Variants in FER1L6 observed in about 807,000 individuals in gnomAD.
The protein encoded by FER1L6 is fer-1-like protein 6.
A neutral mutation model predicts 219.2 loss-of-function variants in FER1L6; 177 were observed. The ratio of observed to expected loss-of-function variants is 0.81; its 90% CI spans 0.71 to 0.91. The LOEUF is 0.91. FER1L6 is among the 40% of genes least tolerant of loss of function. FER1L6 has a pLI of 0.00. For missense variants in FER1L6, 2,153 were observed against 2,259.9 expected, an observed-to-expected ratio of 0.95 and a Z score of 0.96; for synonymous variants, 768 against 824.3, an observed-to-expected ratio of 0.93 and a Z score of 1.17.
intron 35 of FER1L6, 59 bp downstream of exon 35, chr8:124,095,097 T>C (rs1157735645): frequency 6.3e-7 from 1 of 1,592,346 alleles, no homozygotes; most frequent in Non-Finnish European, 8.6e-7. Context: ...AGAGTAATGG[T>C]TTTCATCCAG....
intron 18 of FER1L6, among the ~76,000 whole-genome samples, chr8:124,033,579 C>G (rs1389673257): frequency 6.6e-6 from 1 of 152,146 alleles, no homozygotes; most frequent in Non-Finnish European, 1.5e-5. Flanking sequence ...GAGCAGGATT[C>G]TTCAGCTTCA....
At chr8:124,067,658 ACT>A in intron 27 of FER1L6, 107 bp from the exon 28 acceptor site, 1 of 985,158 alleles carries the variant, frequency 1.0e-6, no homozygotes, top group Non-Finnish European at 1.5e-6. Flanking sequence ...CTGTTTGAAT[ACT>A]CTTTTAAAAT....
At chr8:124,042,869 G>A (rs1183864748) in intron 20 of FER1L6, among the ~76,000 whole-genome samples, 1 of 152,178 alleles carries the variant, frequency 6.6e-6, no homozygotes, top group Admixed American at 6.5e-5. Flanking sequence ...AACATCACTG[G>A]GGATATGGGA....
chr8:123,959,318 A>G (rs555325252), intron 2 of FER1L6, among the ~76,000 whole-genome samples: 3 of 152,280 alleles, frequency 2.0e-5, no homozygotes, highest in East Asian at 1.9e-4. Context: ...CTTTTCTTGC[A>G]TATATAACGT....
Position 123,944,724 on chromosome 8 carries a change from C to G in FER1L6, c.-7-11268C>G, listed in dbSNP as rs114631966. Among the ~76,000 whole-genome samples, 667 of 152,240 alleles carry G rather than the reference C, an allele frequency of 4.4e-3. 8 individuals carry two copies. Among genetic ancestry groups the G allele is most frequent in the African/African-American group, 0.015 (622 of 41,538 alleles). ...TATATGAGGTACAGGGTAACCAGACCTGGGCCTGTGTCTCACCCAGTATGC... is the reference window on the plus strand; with the variant it reads ...TATATGAGGTACAGGGTAACCAGACGTGGGCCTGTGTCTCACCCAGTATGC... On this transcript the variant is annotated intron_variant, in intron 1 of 40. Transcript: ENST00000522917.
chr8:124,008,430 C>T (rs1817767038), intron 13 of FER1L6, among the ~76,000 whole-genome samples: 1 of 152,230 alleles, frequency 6.6e-6, no homozygotes, highest in South Asian at 2.1e-4. Context: ...ATCTTTTTTG[C>T]TTAATGACTT....
At chr8:123,855,846 C>T (rs115541118) in intron 1 of FER1L6, among the ~76,000 whole-genome samples, 1,548 of 142,104 alleles carry the variant, frequency 0.011, 48 homozygotes, top group African/African-American at 0.041. Context: ...TATGGGCCAG[C>T]CCCATATGAC....
intron 1 of FER1L6, among the ~76,000 whole-genome samples, chr8:123,908,168 A>G (rs1812987048): frequency 6.6e-6 from 1 of 152,236 alleles, no homozygotes; most frequent in Non-Finnish European, 1.5e-5. Context: ...TAAAAAATGT[A>G]ACTTGCATGA....
At chr8:124,054,456 G>GAT (rs1820190945) in intron 22 of FER1L6, among the ~76,000 whole-genome samples, 1 of 152,088 alleles carries the variant, frequency 6.6e-6, no homozygotes, top group Admixed American at 6.6e-5. Context: ...TTCAAAACTT[G>GAT]ATATTTCCCA....
intron 1 of FER1L6, among the ~76,000 whole-genome samples, chr8:123,917,937 T>TTTTCTTGCA (rs1813236561): frequency 6.6e-6 from 1 of 152,242 alleles, no homozygotes; most frequent in South Asian, 2.1e-4. Context: ...TGTTGAATCC[T>TTTTCTTGCA]TTTCTTGCAT....
intron 1 of FER1L6, among the ~76,000 whole-genome samples, chr8:123,916,159 C>T (rs1306717072): frequency 6.6e-6 from 1 of 152,212 alleles, no homozygotes; most frequent in Non-Finnish European, 1.5e-5. Flanking sequence ...AGTAAACTCT[C>T]CCTCTTTTGA....
chr8:123,884,340 C>T (rs1159597366), intron 1 of FER1L6, among the ~76,000 whole-genome samples: 1 of 152,206 alleles, frequency 6.6e-6, no homozygotes, highest in Non-Finnish European at 1.5e-5. Context: ...AAGTGGCTTG[C>T]TCCCAGCCAC....
chr8:123,854,128 A>C (rs890485861), intron 1 of FER1L6, among the ~76,000 whole-genome samples: 1 of 152,222 alleles, frequency 6.6e-6, no homozygotes, highest in African/African-American at 2.4e-5. Context: ...TTACGGCTCC[A>C]ACATGATGCC....
At chr8:123,895,024 A>T (rs1048520922) in intron 1 of FER1L6, among the ~76,000 whole-genome samples, 1 of 152,158 alleles carries the variant, frequency 6.6e-6, no homozygotes. Flanking sequence ...AACCTGGTGG[A>T]CTCCTTCTTT....
At chr8:123,927,915 C>CT (rs926432520) in intron 1 of FER1L6, among the ~76,000 whole-genome samples, 23 of 151,860 alleles carry the variant, frequency 1.5e-4, no homozygotes, top group Non-Finnish European at 3.1e-4. Flanking sequence ...CTTTTCATGG[C>CT]TTTTTTTTCT....
At position 123,943,869 on chromosome 8, in the gene FER1L6, C is replaced by A. The variant is rs370429510; in HGVS notation, c.-7-12123C>A. On this transcript the variant is annotated intron_variant, in intron 1 of 40. Coordinates refer to ENST00000522917, the MANE Select transcript of FER1L6 (RefSeq NM_001039112.2). The stretch of plus-strand genomic sequence containing the variant: ...TGTCAGACTGCTGTGTGGCTCTAGG[C>A]AAGTTCCCTAACCTCTCCGAGGTGA... Among the ~76,000 whole-genome samples, 43 of 152,144 alleles carry A rather than the reference C, an allele frequency of 2.8e-4. 1 individual carries two copies. In the South Asian group the frequency reaches 6.9e-3, roughly 24 times the overall value.
At chr8:124,001,945 A>T (rs1439563913) in intron 12 of FER1L6, among the ~76,000 whole-genome samples, 2 of 152,198 alleles carry the variant, frequency 1.3e-5, no homozygotes, top group Non-Finnish European at 2.9e-5. Flanking sequence ...ATTCTCATAC[A>T]TGTAAGGTTT....
At chr8:124,112,058 A>G (rs1823041782) in intron 39 of FER1L6, among the ~76,000 whole-genome samples, 1 of 152,168 alleles carries the variant, frequency 6.6e-6, no homozygotes, top group African/African-American at 2.4e-5. Context: ...TGTAATGGAA[A>G]ACTCCTGCCA....
intron 33 of FER1L6, among the ~76,000 whole-genome samples, chr8:124,090,392 G>A (rs113381882): frequency 2.6e-5 from 4 of 152,318 alleles, no homozygotes; most frequent in African/African-American, 9.6e-5. Context: ...GGCAAATGGT[G>A]CATCTTTTGT....
Sources: allele counts gnomAD v4.1 joint callset (sites outside exome capture counted in the v4.1 genomes callset), GRCh38; gene constraint gnomAD v4.1.1; transcripts MANE v1.5; gene names NCBI Gene and HGNC (gene_info 2026-07-23, HGNC 2026-07-21).